STK33: variants seen among roughly 807,000 people sequenced by gnomAD.
STK33 encodes the protein serine/threonine kinase 33.
Under a neutral mutation model 58.0 loss-of-function variants are expected in STK33, and 52 were observed. That is an observed-to-expected ratio of 0.90 (90% CI 0.72 to 1.13). The LOEUF (loss-of-function observed/expected upper bound fraction) is 1.13. Among genes scored for constraint, STK33 ranks in the 50% most tolerant of loss-of-function variants. The pLI is 0.00. For synonymous variants in STK33, 215 were observed against 200.1 expected, an observed-to-expected ratio of 1.07 and a Z score of -0.63; for missense variants, 630 against 604.2, an observed-to-expected ratio of 1.04 and a Z score of -0.45.
chr11:8,440,325 C>A (rs1486994638), intron 12 of STK33, among the ~76,000 whole-genome samples: 1 of 152,040 alleles, frequency 6.6e-6, no homozygotes, highest in Non-Finnish European at 1.5e-5. Flanking sequence ...GGCCACAGTA[C>A]CTCCCTACAC....
At chr11:8,396,824 C>T (rs145309936) in intron 15 of STK33, among the ~76,000 whole-genome samples, 1 of 152,354 alleles carries the variant, frequency 6.6e-6, no homozygotes, top group South Asian at 2.1e-4. Context: ...TATCCCGTGC[C>T]TGGCTCAGAG....
chr11:8,457,523 C>G, intron 8 of STK33, 44 bp from the exon 9 acceptor site: 3 of 1,479,710 alleles, frequency 2.0e-6, no homozygotes, highest in Non-Finnish European at 2.8e-6. Flanking sequence ...AATTATATAT[C>G]TGGGGATCTT....
intron 1 of STK33, among the ~76,000 whole-genome samples, chr11:8,518,664 A>G (rs1953059330): frequency 1.3e-5 from 2 of 152,230 alleles, no homozygotes; most frequent in African/African-American, 4.8e-5. Flanking sequence ...AGCAAGTGGA[A>G]AACAAAAACA....
chr11:8,549,914 C>A lies in STK33; in HGVS notation c.-466+44169G>T, dbSNP rs560070595. ...TGTTGATTTTCATATTTAAAAAAAA[C>A]CAACTTTTAAATTCATTGATTTTTT... On this transcript the variant is annotated intron_variant, in intron 1 of 15. Coordinates refer to ENST00000687296, the MANE Select transcript of STK33 (RefSeq NM_001352389.2). Among the ~76,000 whole-genome samples, 64 of 152,122 alleles carry A rather than the reference C, an allele frequency of 4.2e-4. No individual in the cohort carries two copies. The Middle Eastern group carries it at 0.01, about 24-fold the overall frequency.
chr11:8,532,985 T>G (rs1305784828), intron 1 of STK33, among the ~76,000 whole-genome samples: 2 of 152,222 alleles, frequency 1.3e-5, no homozygotes, highest in Non-Finnish European at 2.9e-5. Context: ...TTTGTGATTT[T>G]TATCAGAGTA....
intron 1 of STK33, among the ~76,000 whole-genome samples, chr11:8,489,669 A>G (rs543638898): frequency 1.5e-3 from 236 of 152,306 alleles, no homozygotes; most frequent in African/African-American, 5.1e-3. Context: ...ATCACCTCTT[A>G]AAGGTCCTAA....
chr11:8,337,575 G>A, the STK33 span, among the ~76,000 whole-genome samples: 6 of 149,758 alleles, frequency 4.0e-5, no homozygotes, highest in Non-Finnish European at 3.0e-5. Context: ...CTTTGGGACC[G>A]CGGAGCCACG....
At chr11:8,461,942 A>C (rs764784168) in intron 7 of STK33, 33 bp from the exon 8 acceptor site, 1 of 1,513,584 alleles carries the variant, frequency 6.6e-7, no homozygotes, top group Admixed American at 2.2e-5. Context: ...ATTTCACATA[A>C]TGAAAATCAC....
Position 8,473,172 on chromosome 11 carries a change from A to G in STK33, c.330T>C (p.Ala110=). 1 of 1,610,398 alleles carries G rather than the reference A, an allele frequency of 6.2e-7. No individual in the cohort carries two copies. Among genetic ancestry groups the G allele is most frequent in the Non-Finnish European group, 8.5e-7 (1 of 1,177,738 alleles). ...KVPHIRIENG[A]AIEEIYTFGR... Reference sequence around the variant, plus strand: ...TTTGCTTTCTATATACCTCAATAGCAGCTCCATTCTCAATCCTTATGTGAG... The same window carrying G: ...TTTGCTTTCTATATACCTCAATAGCGGCTCCATTCTCAATCCTTATGTGAG... Residue 110 remains alanine, a synonymous_variant, in exon 6 of 16, where the codon GCT becomes GCC. Transcript: ENST00000687296.
At chr11:8,511,542 C>A (rs948218674) in intron 1 of STK33, among the ~76,000 whole-genome samples, 1 of 152,118 alleles carries the variant, frequency 6.6e-6, no homozygotes, top group African/African-American at 2.4e-5. Context: ...AAGTGGGCAT[C>A]CTTGTCTTGT....
intron 14 of STK33, among the ~76,000 whole-genome samples, chr11:8,431,993 T>C (rs1943476923): frequency 6.6e-6 from 1 of 152,226 alleles, no homozygotes; most frequent in South Asian, 2.1e-4. Context: ...ATCTTATACA[T>C]AGGTTGTTTT....
chr11:8,574,134 A>C (rs1958019831), intron 1 of STK33, among the ~76,000 whole-genome samples: 1 of 152,154 alleles, frequency 6.6e-6, no homozygotes, highest in African/African-American at 2.4e-5. Context: ...GAGGAAGTGG[A>C]CACTTAGAGA....
At chr11:8,591,878 C>G (rs2032666967) in intron 1 of STK33, among the ~76,000 whole-genome samples, 3 of 151,744 alleles carry the variant, frequency 2.0e-5, no homozygotes, top group Admixed American at 2.0e-4. Context: ...GGAGATATAC[C>G]TAATGCTAAA....
At chr11:8,450,582 A>T (rs1410727995) in intron 11 of STK33, among the ~76,000 whole-genome samples, 1 of 151,804 alleles carries the variant, frequency 6.6e-6, no homozygotes, top group African/African-American at 2.4e-5. Context: ...TGATCATAAT[A>T]AAAAAAGTTC....
the STK33 span, among the ~76,000 whole-genome samples, chr11:8,363,080 G>C: frequency 6.6e-6 from 1 of 152,162 alleles, no homozygotes; most frequent in Non-Finnish European, 1.5e-5. Flanking sequence ...CAGAGCAGCA[G>C]GTGATGACCG....
intron 6 of STK33, among the ~76,000 whole-genome samples, chr11:8,470,494 C>G (rs1948673701): frequency 6.6e-6 from 1 of 152,198 alleles, no homozygotes; most frequent in Admixed American, 6.5e-5. Flanking sequence ...CACGTGTTCA[C>G]TGGAATAGCA....
chr11:8,578,693 C>A (rs10160804), intron 1 of STK33, among the ~76,000 whole-genome samples: 87,611 of 151,614 alleles, frequency 0.58, 25,512 homozygotes, highest in Non-Finnish European at 0.6. Context: ...ACAGAGACAA[C>A]AGGAAGACTA....
chr11:8,581,386 C>T (rs2030221812), intron 1 of STK33, among the ~76,000 whole-genome samples: 1 of 152,164 alleles, frequency 6.6e-6, no homozygotes, highest in South Asian at 2.1e-4. Context: ...TGGTGCATGC[C>T]TGTGGTCCTA....
intron 8 of STK33, among the ~76,000 whole-genome samples, chr11:8,458,404 C>A: frequency 7.0e-6 from 1 of 143,504 alleles, no homozygotes; most frequent in South Asian, 2.3e-4. Flanking sequence ...AATGCAGAAA[C>A]TTAGCTTATG....
Sources: gnomAD v4.1 joint callset for allele counts (sites outside exome capture counted in the v4.1 genomes callset) on GRCh38, gnomAD v4.1.1 for gene constraint, MANE v1.5 for transcripts, NCBI Gene and HGNC (gene_info 2026-07-23, HGNC 2026-07-21) for gene names.